The following ZNF676 variants were observed in gnomAD, a reference collection of about 807,000 sequenced individuals.
The protein encoded by ZNF676 is zinc finger protein 676.
A neutral mutation model predicts 6.0 loss-of-function variants in ZNF676; 4 were observed. The ratio of observed to expected loss-of-function variants is 0.67; its 90% confidence interval spans 0.33 to 1.53. ZNF676 has a LOEUF of 1.53. Among genes scored for constraint, ZNF676 ranks in the 40% most tolerant of loss-of-function variants. The pLI, the probability that ZNF676 is intolerant of heterozygous loss-of-function variation, is 0.06. For missense variants in ZNF676, 644 were observed against 679.7 expected (o/e 0.95, Z 0.58); for synonymous variants, 198 against 223.1 (o/e 0.89, Z 1.00).
chr19:22,252,350 G>A, the ZNF676 span, among the ~76,000 whole-genome samples: 3 of 149,084 alleles, frequency 2.0e-5, no homozygotes, highest in Non-Finnish European at 3.0e-5. Flanking sequence ...AGCTGAGATC[G>A]TGCCACTGCA....
chr19:22,235,016 G>GAAAGAA, the ZNF676 span, among the ~76,000 whole-genome samples: 2 of 78,786 alleles, frequency 2.5e-5, no homozygotes, highest in Non-Finnish European at 5.1e-5. Context: ...AAGAAAGAAA[G>GAAAGAA]AAAGAAAGAA....
At chr19:22,210,434 G>T (rs939642049) in intron 1 of ZNF676, among the ~76,000 whole-genome samples, 4 of 151,996 alleles carry the variant, frequency 2.6e-5, no homozygotes, top group African/African-American at 9.7e-5. Flanking sequence ...TCAGTAATCT[G>T]ATACAGCTAC....
chr19:22,213,981 T>C (rs1000187492), intron 1 of ZNF676, among the ~76,000 whole-genome samples: 1 of 152,178 alleles, frequency 6.6e-6, no homozygotes, highest in Admixed American at 6.5e-5. Flanking sequence ...AAAAAAACAT[T>C]TACAAACAGA....
At chr19:22,184,996 C>A (rs2023815566) in intron 2 of ZNF676, among the ~76,000 whole-genome samples, 2 of 152,110 alleles carry the variant, frequency 1.3e-5, no homozygotes, top group South Asian at 4.1e-4. Context: ...GTGCATCTAC[C>A]AGCACAGCGT....
At chr19:22,229,402 G>C in the ZNF676 span, among the ~76,000 whole-genome samples, 1 of 152,104 alleles carries the variant, frequency 6.6e-6, no homozygotes, top group Non-Finnish European at 1.5e-5. Flanking sequence ...AAAAACCCTA[G>C]AAGAAAACCT....
Position 22,180,338 on chromosome 19 carries a change from C to T in ZNF676, c.1379G>A (p.Trp460Ter). 1 of 1,613,012 alleles carries T rather than the reference C, an allele frequency of 6.2e-7. No homozygotes were observed. The highest frequency in any genetic ancestry group is 8.5e-7 in the Non-Finnish European group (1 of 1,179,770). ...KCEECGKAFT[W>*]SSSFTKHKRI... is the part of the protein sequence containing the mutation. ...CTTGTGTTTAGTAAAGCTTGAGGAC[C>T]AGGTGAAGGCTTTGCCACATTCTTC... The change falls in exon 3 of 3, where the codon TGG becomes TAG. Residue 460 changes from tryptophan (W) to a stop codon, truncating the protein, a stop_gained. Transcript: ENST00000397121. LOFTEE classifies it low-confidence loss of function (END_TRUNC).
At chr19:22,188,886 C>T (rs2023870590) in intron 2 of ZNF676, among the ~76,000 whole-genome samples, 2 of 152,186 alleles carry the variant, frequency 1.3e-5, no homozygotes, top group African/African-American at 2.4e-5. Context: ...ATTCCACGCT[C>T]ATGCATAGGA....
chr19:22,210,267 G>C (rs2024115882), intron 1 of ZNF676, among the ~76,000 whole-genome samples: 1 of 152,022 alleles, frequency 6.6e-6, no homozygotes, highest in South Asian at 2.1e-4. Flanking sequence ...TCTAACACTT[G>C]AATTCTGACA....
rs1437383674 is a variant in ZNF676 at position 22,207,464 on chromosome 19, A to G, written c.3+8168T>C. 3.0e-4 allele frequency among the ~76,000 whole-genome samples: 46 copies of G among 152,010 alleles called. 2 individuals are homozygous for G. The highest frequency in any genetic ancestry group is 2.1e-3 in the South Asian group (10 of 4,826). On this transcript the variant is annotated intron_variant, in intron 1 of 3. Transcript: ENST00000650058. ...CAGAGATGACACAAACAAATGGAAA[A>G]CCACTTTATGCTCATGAATAAAAAA...
chr19:22,209,383 C>T (rs1390981556), intron 1 of ZNF676, among the ~76,000 whole-genome samples: 1 of 147,824 alleles, frequency 6.8e-6, no homozygotes, highest in African/African-American at 2.5e-5. Context: ...CTGGAGATCA[C>T]TATTCTTAGA....
the ZNF676 span, among the ~76,000 whole-genome samples, chr19:22,258,811 T>A: frequency 7.4e-3 from 1,127 of 152,128 alleles, 1 homozygote; most frequent in African/African-American, 0.025. Context: ...ATCCTATCTG[T>A]GACCTGAGCC....
At chr19:22,238,750 C>A in the ZNF676 span, among the ~76,000 whole-genome samples, 1 of 152,162 alleles carries the variant, frequency 6.6e-6, no homozygotes, top group East Asian at 1.9e-4. Flanking sequence ...GAGAGCCACT[C>A]CAAGTTCCAA....
intron 1 of ZNF676, among the ~76,000 whole-genome samples, chr19:22,215,059 AAC>A (rs909271906): frequency 5.1e-5 from 5 of 98,484 alleles, no homozygotes; most frequent in African/African-American, 9.7e-5. Flanking sequence ...AAAAAAAAAA[AAC>A]AACAAAAAAC....
the ZNF676 span, among the ~76,000 whole-genome samples, chr19:22,260,233 C>T: frequency 6.6e-6 from 1 of 152,208 alleles, no homozygotes; most frequent in East Asian, 1.9e-4. Context: ...ATTAGTAACT[C>T]CACACAGCGG....
At chr19:22,202,700 T>A (rs1243964051) in intron 1 of ZNF676, among the ~76,000 whole-genome samples, 1 of 152,234 alleles carries the variant, frequency 6.6e-6, no homozygotes, top group African/African-American at 2.4e-5. Context: ...GTCACCATAA[T>A]TCATCTACAA....
upstream of ZNF676, among the ~76,000 whole-genome samples, chr19:22,198,833 ATGGGCCACGGTGTAC>A (rs1215964156): frequency 6.6e-6 from 1 of 152,174 alleles, no homozygotes; most frequent in Non-Finnish European, 1.5e-5. Flanking sequence ...TAATGTAAAT[ATGGGCCACGGTGTAC>A]TGTCCCTACC....
chr19:22,234,992 G>A, the ZNF676 span, among the ~76,000 whole-genome samples: 2 of 105,016 alleles, frequency 1.9e-5, no homozygotes, highest in East Asian at 5.4e-4. Context: ...AAGAAAGAAA[G>A]AAAGAAAGAA....
At chr19:22,197,679 G>A (rs967435751), upstream of ZNF676, among the ~76,000 whole-genome samples, 1 of 151,968 alleles carries the variant, frequency 6.6e-6, no homozygotes, top group Non-Finnish European at 1.5e-5. Flanking sequence ...AAGAAAGAAG[G>A]GCAGCTGTCA....
At chr19:22,205,118 A>C (rs2024064194) in intron 1 of ZNF676, among the ~76,000 whole-genome samples, 1 of 152,160 alleles carries the variant, frequency 6.6e-6, no homozygotes, top group Non-Finnish European at 1.5e-5. Flanking sequence ...AGCAGAAGAG[A>C]GAAAATTGTT....
Sources: gnomAD v4.1 joint callset for allele counts (sites outside exome capture counted in the v4.1 genomes callset) on GRCh38, gnomAD v4.1.1 for gene constraint, MANE v1.5 for transcripts, NCBI Gene and HGNC (gene_info 2026-07-23, HGNC 2026-07-21) for gene names.